Variants in ATP8A1 observed in about 807,000 individuals in gnomAD.
ATP8A1 encodes phospholipid-transporting ATPase IA.
ATP8A1 carries 90 observed loss-of-function variants against 177.7 expected under a neutral mutation model. The observed-to-expected ratio is 0.51, with a 90% CI of 0.43 to 0.60. ATP8A1 has a LOEUF of 0.60. Ranked by LOEUF, ATP8A1 falls within the 20% of genes least tolerant of loss-of-function variation. The pLI is 0.00. For missense variants in ATP8A1, 1,072 were observed against 1,392.8 expected, an observed-to-expected ratio of 0.77 and a Z score of 3.67; for synonymous variants, 493 against 485.9, an observed-to-expected ratio of 1.01 and a Z score of -0.19.
At chr4:42,601,033 C>CT (rs36117571) in intron 5 of ATP8A1, among the ~76,000 whole-genome samples, 50,288 of 101,582 alleles carry the variant, frequency 0.5, 13,037 homozygotes, top group East Asian at 0.66. Flanking sequence ...CCCAAATTTT[C>CT]TTTTTTTTTT....
intron 29 of ATP8A1, among the ~76,000 whole-genome samples, chr4:42,453,401 G>A (rs1341921949): frequency 2.6e-5 from 4 of 152,150 alleles, no homozygotes; most frequent in Non-Finnish European, 5.9e-5. Context: ...AACAGGGTTG[G>A]CAACTCGTGT....
intron 5 of ATP8A1, among the ~76,000 whole-genome samples, chr4:42,601,005 G>A (rs1265521899): frequency 6.9e-6 from 1 of 144,610 alleles, no homozygotes; most frequent in Non-Finnish European, 1.5e-5. Flanking sequence ...AACAAACAGC[G>A]ACAAAAAGCA....
At chr4:42,644,370 G>C (rs992139787) in intron 1 of ATP8A1, among the ~76,000 whole-genome samples, 2 of 152,156 alleles carry the variant, frequency 1.3e-5, no homozygotes, top group Non-Finnish European at 2.9e-5. Context: ...CTTACTGAAC[G>C]TTAAACGAAG....
chr4:42,653,654 C>G (rs117341028), intron 1 of ATP8A1, among the ~76,000 whole-genome samples: 1 of 152,208 alleles, frequency 6.6e-6, no homozygotes, highest in Non-Finnish European at 1.5e-5. Context: ...TCCCTTATAA[C>G]GATGTGGCCC....
chr4:42,499,405 G>T (rs142972640), intron 24 of ATP8A1, among the ~76,000 whole-genome samples: 181 of 152,234 alleles, frequency 1.2e-3, no homozygotes, highest in African/African-American at 3.9e-3. Context: ...TCTACCTCTG[G>T]GGACAGATCC....
At chr4:42,539,659 T>C (rs1377126975) in intron 20 of ATP8A1, among the ~76,000 whole-genome samples, 2 of 152,080 alleles carry the variant, frequency 1.3e-5, no homozygotes, top group African/African-American at 2.4e-5. Flanking sequence ...CAACTGATCT[T>C]TGACAAAGCT....
chr4:42,609,807 G>A (rs550270635), intron 5 of ATP8A1, among the ~76,000 whole-genome samples: 1 of 151,988 alleles, frequency 6.6e-6, no homozygotes, highest in Non-Finnish European at 1.5e-5. Context: ...CCATACAGCT[G>A]TCAAATTCTT....
At chr4:42,413,108 A>G in intron 36 of ATP8A1, 95 bp from the exon 37 acceptor site, 1 of 920,816 alleles carries the variant, frequency 1.1e-6, no homozygotes, top group Non-Finnish European at 1.7e-6. Flanking sequence ...CTGGGGAACA[A>G]ATGCAGCCTT....
rs143721704 is a variant in ATP8A1 at position 42,555,785 on chromosome 4, T to C, written c.1413+183A>G. 5.8e-3 allele frequency among the ~76,000 whole-genome samples: 877 copies of C among 152,064 alleles called. 7 individuals carry two copies. Among genetic ancestry groups the C allele is most frequent in the South Asian group, 0.018 (88 of 4,820 alleles). The stretch of plus-strand genomic sequence containing the variant: ...GTTGCAGTGAGCCAAAATCACGCCA[T>C]TGCACTCCAGCCCCAGCGACAGAGT... On this transcript the variant is annotated intron_variant, in intron 16 of 36. Transcript: ENST00000381668.
Position 42,588,330 on chromosome 4 carries a change from C to T in ATP8A1, c.525-1G>A. ...AATGTAGCACATGGCTTGGGGCTCA[C>T]TGTAGTTTGGAGTTGAGAAGCACAA... On this transcript the variant is annotated splice_acceptor_variant, in intron 7 of 36. Transcript: ENST00000381668. LOFTEE classifies it high-confidence loss of function. 6.2e-7 allele frequency: 1 copy of T among 1,612,282 alleles called. No homozygotes were observed. The highest frequency in any genetic ancestry group is 1.1e-5 in the South Asian group (1 of 90,530).
intron 27 of ATP8A1, among the ~76,000 whole-genome samples, chr4:42,463,653 G>A (rs970348561): frequency 6.6e-6 from 1 of 152,160 alleles, no homozygotes; most frequent in African/African-American, 2.4e-5. Flanking sequence ...ATTGTTTACA[G>A]AACAAAATGC....
intron 34 of ATP8A1, 81 bp from the exon 35 acceptor site, chr4:42,422,980 A>G: frequency 1.8e-6 from 2 of 1,086,680 alleles, no homozygotes; most frequent in Non-Finnish European, 2.7e-6. Context: ...GCTTATTATC[A>G]CGCGGTTGAT....
chr4:42,531,622 A>C (rs1727268326), intron 20 of ATP8A1, among the ~76,000 whole-genome samples: 1 of 152,256 alleles, frequency 6.6e-6, no homozygotes, highest in Admixed American at 6.5e-5. Context: ...AGAGGAAGTC[A>C]AATTGTTCCT....
intron 30 of ATP8A1, among the ~76,000 whole-genome samples, chr4:42,449,786 G>A (rs1362678679): frequency 2.0e-5 from 3 of 152,266 alleles, no homozygotes; most frequent in East Asian, 1.9e-4. Flanking sequence ...GGAGAGCTGC[G>A]CAGCTTTCCA....
At chr4:42,517,747 G>A (rs1251475160) in intron 22 of ATP8A1, among the ~76,000 whole-genome samples, 1 of 152,176 alleles carries the variant, frequency 6.6e-6, no homozygotes, top group Non-Finnish European at 1.5e-5. Context: ...TTTTAGAAAT[G>A]TCCTGAAAAG....
intron 15 of ATP8A1, among the ~76,000 whole-genome samples, chr4:42,564,331 G>C (rs1731145269): frequency 2.6e-5 from 4 of 152,150 alleles, no homozygotes; most frequent in Admixed American, 2.6e-4. Flanking sequence ...CTAGATCCCA[G>C]TGGATCTAGC....
chr4:42,445,833 A>G (rs1717153597), intron 31 of ATP8A1, among the ~76,000 whole-genome samples: 2 of 152,148 alleles, frequency 1.3e-5, no homozygotes, highest in Admixed American at 6.5e-5. Context: ...TAATCCCAGC[A>G]CTTTGGGAGG....
chr4:42,575,050 G>A (rs1023623472), intron 13 of ATP8A1, among the ~76,000 whole-genome samples: 1 of 152,214 alleles, frequency 6.6e-6, no homozygotes, highest in Non-Finnish European at 1.5e-5. Flanking sequence ...ACAGGCAATT[G>A]TAGAATTTGT....
chr4:42,531,806 T>G (rs1308902005), intron 20 of ATP8A1, among the ~76,000 whole-genome samples: 1 of 152,134 alleles, frequency 6.6e-6, no homozygotes, highest in Non-Finnish European at 1.5e-5. Flanking sequence ...CAATCCCATT[T>G]ACAACAGTCA....
Sources: allele counts gnomAD v4.1 joint callset (sites outside exome capture counted in the v4.1 genomes callset), GRCh38; gene constraint gnomAD v4.1.1; transcripts MANE v1.5; gene names NCBI Gene and HGNC (gene_info 2026-07-23, HGNC 2026-07-21).